NSD2: variants seen among roughly 807,000 people sequenced by gnomAD.
NSD2 encodes nuclear receptor binding SET domain protein 2.
A neutral mutation model predicts 139.0 loss-of-function variants in NSD2; 12 were observed. The ratio of observed to expected loss-of-function variants is 0.09; its 90% CI spans 0.06 to 0.14. The LOEUF is 0.14. Ranked by LOEUF, NSD2 falls within the 10% of genes least tolerant of loss-of-function variation. The probability of loss-of-function intolerance (pLI) is 1.00; values close to 1 mark genes in which losing one functional copy is unlikely to be tolerated. For synonymous variants in NSD2, 669 were observed against 648.7 expected (o/e 1.03, Z -0.48); for missense variants, 1,155 against 1,745.0 (o/e 0.66, Z 6.02).
Position 1,980,713 on chromosome 4 carries a change from C to T in NSD2, c.*1804C>T, listed in dbSNP as rs1227116683. ...TCAGGGTCCCCAGCAAAGTTAACTA[C>T]ACAGAGGACCCAGGGGAAACGAGCT... On this transcript the variant is annotated 3_prime_UTR_variant, in exon 22 of 22. Transcript: ENST00000508803. 8.6e-6 allele frequency: 2 copies of T among 233,052 alleles called. No homozygotes were observed. The highest frequency in any genetic ancestry group is 1.7e-5 in the Non-Finnish European group (2 of 118,008). The allele number at this position is 233,052 out of a possible 1,614,324, so 14.4% of individuals were successfully genotyped here. A position where few individuals can be genotyped will look rare whatever the true frequency, so the allele number is the denominator to read the frequency against.
chr4:1,938,416 C>CTTTTTTTTTTTTTTTTTTTTT (rs746279426), intron 7 of NSD2, 35 bp from the exon 8 acceptor site: 33 of 325,832 alleles, frequency 1.0e-4, no homozygotes, highest in African/African-American at 4.1e-4. Context: ...TTTTTTCTTT[C>CTTTTTTTTTTTTTTTTTTTTT]TTTTTTTTTT....
chr4:1,924,100 A>G (rs1246115452), intron 5 of NSD2, among the ~76,000 whole-genome samples: 1 of 152,196 alleles, frequency 6.6e-6, no homozygotes, highest in Non-Finnish European at 1.5e-5. Flanking sequence ...GGCCAGGCGC[A>G]AGGTGGGAGG....
At chr4:1,934,878 AATATATATATATATAT>A (rs1161633448) in intron 6 of NSD2, among the ~76,000 whole-genome samples, 2 of 22,060 alleles carry the variant, frequency 9.1e-5, no homozygotes, top group East Asian at 9.2e-4. Flanking sequence ...AAAAAAAAAA[AATATATATATATATAT>A]ATATATATAT....
At chr4:1,941,537 C>T (rs1723097267) in intron 9 of NSD2, 3 of 1,041,464 alleles carry the variant, frequency 2.9e-6, no homozygotes, top group Non-Finnish European at 3.5e-6. Context: ...AGCATTTTAT[C>T]ATCATTAGAC....
At chr4:1,917,798 T>G (rs1400179164) in intron 4 of NSD2, among the ~76,000 whole-genome samples, 1 of 147,658 alleles carries the variant, frequency 6.8e-6, no homozygotes, top group African/African-American at 2.6e-5. Flanking sequence ...TTTTTTTTTT[T>G]GAGACAGGGT....
chr4:1,906,940 C>T (rs1450388409), intron 3 of NSD2, among the ~76,000 whole-genome samples: 5 of 152,078 alleles, frequency 3.3e-5, no homozygotes, highest in Non-Finnish European at 5.9e-5. Flanking sequence ...GGATTACAGG[C>T]GTGAGCCACC....
At position 1,979,967 on chromosome 4, in the gene NSD2, A is replaced by G. The variant is rs1360314952; in HGVS notation, c.*1058A>G. 4.3e-6 allele frequency: 1 copy of G among 232,432 alleles called. No individual in the cohort carries two copies. Among genetic ancestry groups the G allele is most frequent in the African/African-American group, 2.2e-5 (1 of 45,272 alleles). The allele number at this position is 232,432 out of a possible 1,614,324, so 14.4% of individuals were successfully genotyped here. On this transcript the variant is annotated 3_prime_UTR_variant, in exon 22 of 22. Transcript: ENST00000508803. ...CCCCAGCACGTGGGTCTAAAGAGAG[A>G]CGGAGTCTAGCTCTCCTGCCACCCA... is the stretch of plus-strand genomic sequence containing the variant.
intron 9 of NSD2, chr4:1,946,728 T>C: frequency 2.9e-6 from 3 of 1,044,656 alleles, no homozygotes; most frequent in Non-Finnish European, 3.5e-6. Flanking sequence ...TTGACTGTAA[T>C]TAGCAGGTAG....
At chr4:1,931,656 G>A (rs575320347) in intron 6 of NSD2, among the ~76,000 whole-genome samples, 1 of 152,156 alleles carries the variant, frequency 6.6e-6, no homozygotes, top group Non-Finnish European at 1.5e-5. Context: ...ACATGTGCCT[G>A]CTGTCACCTT....
chr4:1,979,794 T>C lies in NSD2; in HGVS notation c.*885T>C. ...ATTTTTGCTAAACCTATTTCACAAA[T>C]CACCACCGACTGAAGTGTGTGTTTA... On this transcript the variant is annotated 3_prime_UTR_variant, in exon 22 of 22. Transcript: ENST00000508803. 4.3e-6 allele frequency: 1 copy of C among 232,370 alleles called. No homozygotes were observed. The highest frequency in any genetic ancestry group is 8.5e-6 in the Non-Finnish European group (1 of 117,496). The allele number at this position is 232,370 out of a possible 1,614,324, so 14.4% of individuals were successfully genotyped here. A position where few individuals can be genotyped will look rare whatever the true frequency, so the allele number is the denominator to read the frequency against.
chr4:1,941,146 C>A, intron 9 of NSD2: 3 of 1,054,048 alleles, frequency 2.8e-6, no homozygotes, highest in South Asian at 9.1e-5. Context: ...TTTTTCCTTT[C>A]TTTCTTGTCC....
At chr4:1,878,237 A>ATGTATGTATATATATGTG (rs1714412107) in intron 1 of NSD2, among the ~76,000 whole-genome samples, 1 of 29,858 alleles carries the variant, frequency 3.3e-5, no homozygotes, top group African/African-American at 1.5e-4. Context: ...ATATATATAT[A>ATGTATGTATATATATGTG]TATATATATA....
intron 3 of NSD2, among the ~76,000 whole-genome samples, chr4:1,913,308 T>TAG (rs1718927594): frequency 6.6e-6 from 1 of 152,232 alleles, no homozygotes. Context: ...AGGCACCCGT[T>TAG]ACTTTGCAAA....
chr4:1,880,685 G>A (rs113037688), intron 1 of NSD2, among the ~76,000 whole-genome samples: 2,805 of 152,106 alleles, frequency 0.018, 55 homozygotes, highest in Middle Eastern at 0.054. Flanking sequence ...GAAATACAGG[G>A]GCAAGAGAAA....
intron 1 of NSD2, among the ~76,000 whole-genome samples, chr4:1,872,635 A>AGAGAGAGAGAGAGAGAGCGC (rs1179623184): frequency 8.3e-6 from 1 of 120,090 alleles, no homozygotes; most frequent in Admixed American, 9.4e-5. Context: ...AGAGAGAGAG[A>AGAGAGAGAGAGAGAGAGCGC]GCGCGCAGAC....
intron 3 of NSD2, among the ~76,000 whole-genome samples, chr4:1,909,660 A>G (rs1718403795): frequency 6.7e-6 from 1 of 149,116 alleles, no homozygotes. Context: ...CTTTTCCTGG[A>G]GATGGAGTCT....
intron 11 of NSD2, chr4:1,953,091 C>T (rs1231665734): frequency 2.0e-6 from 3 of 1,496,180 alleles, no homozygotes; most frequent in Admixed American, 4.5e-5. Context: ...TAGTAAGATT[C>T]TCCTGTATTT....
At chr4:1,882,490 C>T (rs1202292816) in intron 1 of NSD2, among the ~76,000 whole-genome samples, 6 of 152,120 alleles carry the variant, frequency 3.9e-5, no homozygotes, top group African/African-American at 1.4e-4. Context: ...GGTGAAACCC[C>T]GTCTCTACTA....
chr4:1,952,876 C>T (rs1175913014), intron 11 of NSD2: 3 of 1,345,626 alleles, frequency 2.2e-6, no homozygotes, highest in East Asian at 5.7e-5. Flanking sequence ...CTTCCTGGGT[C>T]AGGAAGACAC....
Sources: gnomAD v4.1 joint callset for allele counts (sites outside exome capture counted in the v4.1 genomes callset) on GRCh38, gnomAD v4.1.1 for gene constraint, MANE v1.5 for transcripts, NCBI Gene and HGNC (gene_info 2026-07-23, HGNC 2026-07-21) for gene names.